The following LRFN5 variants were observed in gnomAD, a reference collection of about 807,000 sequenced individuals.
LRFN5 encodes the protein leucine-rich repeat and fibronectin type-III domain-containing protein 5.
A neutral mutation model predicts 45.6 loss-of-function variants in LRFN5; 24 were observed. That is an observed-to-expected ratio of 0.53 (90% CI 0.38 to 0.74). The LOEUF is 0.74. Ranked by LOEUF, LRFN5 falls within the 30% of genes least tolerant of loss-of-function variation. The pLI is 0.00. For synonymous variants in LRFN5, 340 were observed against 313.8 expected (o/e 1.08, Z -0.88); for missense variants, 776 against 861.5 (o/e 0.90, Z 1.24).
In LRFN5 at chr14:41,641,623, C is replaced by A. The variant is rs181038220; in HGVS notation, c.-197+33061C>A. ...TGGGAAGAAAACACAAAATTAAATG[C>A]CAATTTGCTCTTTAAATTCCATAAA... On this transcript the variant is annotated intron_variant, in intron 1 of 5. Coordinates refer to ENST00000298119, the MANE Select transcript of LRFN5 (RefSeq NM_152447.5). 3.3e-5 allele frequency among the ~76,000 whole-genome samples: 5 copies of A among 152,050 alleles called. No homozygotes were observed. In the East Asian group the frequency reaches 9.7e-4, roughly 29 times the overall value.
chr14:41,819,768 G>A (rs1381299784), intron 2 of LRFN5, among the ~76,000 whole-genome samples: 1 of 152,004 alleles, frequency 6.6e-6, no homozygotes, highest in Non-Finnish European at 1.5e-5. Context: ...TAAACCAGGA[G>A]AGATAGCCTT....
intron 1 of LRFN5, among the ~76,000 whole-genome samples, chr14:41,757,415 C>G (rs534771606): frequency 6.6e-6 from 1 of 152,242 alleles, no homozygotes; most frequent in Non-Finnish European, 1.5e-5. Flanking sequence ...CCAGTTCAAT[C>G]TTCCTGGCCG....
intron 4 of LRFN5, among the ~76,000 whole-genome samples, chr14:41,898,464 C>G (rs367562870): frequency 6.6e-6 from 1 of 151,900 alleles, no homozygotes; most frequent in East Asian, 1.9e-4. Context: ...TTAAGTGATT[C>G]TTTTGTACTC....
intron 1 of LRFN5, among the ~76,000 whole-genome samples, chr14:41,703,974 T>A (rs536056622): frequency 1.4e-4 from 22 of 152,210 alleles, no homozygotes; most frequent in Admixed American, 2.0e-4. Context: ...TGCTTATCAC[T>A]CCGATCTAGG....
intron 1 of LRFN5, among the ~76,000 whole-genome samples, chr14:41,758,175 GT>G (rs1401477428): frequency 6.6e-6 from 1 of 152,050 alleles, no homozygotes; most frequent in East Asian, 1.9e-4. Context: ...ATTTCCTTGA[GT>G]TTTTGTCTCT....
At chr14:41,715,995 G>C (rs1434794388) in intron 1 of LRFN5, among the ~76,000 whole-genome samples, 1 of 152,182 alleles carries the variant, frequency 6.6e-6, no homozygotes, top group Non-Finnish European at 1.5e-5. Context: ...TCCAGTTCTT[G>C]ACTTCTCTGC....
intron 1 of LRFN5, among the ~76,000 whole-genome samples, chr14:41,750,376 G>A (rs1456498916): frequency 6.6e-6 from 1 of 150,620 alleles, no homozygotes; most frequent in African/African-American, 2.4e-5. Flanking sequence ...AGATTCTATA[G>A]TTTGTTGTTT....
At chr14:41,711,710 G>T (rs1031039815) in intron 1 of LRFN5, among the ~76,000 whole-genome samples, 1 of 152,124 alleles carries the variant, frequency 6.6e-6, no homozygotes, top group Non-Finnish European at 1.5e-5. Context: ...CCGTTTCACA[G>T]ATAAACTGTT....
chr14:41,870,880 G>C (rs745614442), intron 2 of LRFN5, among the ~76,000 whole-genome samples: 1 of 152,008 alleles, frequency 6.6e-6, no homozygotes, highest in African/African-American at 2.4e-5. Flanking sequence ...ATACATTGTA[G>C]CACATGTTTT....
At chr14:41,834,252 T>G (rs1484915893) in intron 2 of LRFN5, among the ~76,000 whole-genome samples, 1 of 152,220 alleles carries the variant, frequency 6.6e-6, no homozygotes, top group East Asian at 1.9e-4. Context: ...GCTGAAAATC[T>G]TAAATATCTT....
chr14:41,875,582 C>A (rs1230051528), intron 2 of LRFN5, among the ~76,000 whole-genome samples: 3 of 152,186 alleles, frequency 2.0e-5, no homozygotes, highest in African/African-American at 4.8e-5. Context: ...AAATCACTCT[C>A]TCTTGTATGA....
intron 1 of LRFN5, among the ~76,000 whole-genome samples, chr14:41,756,639 A>T (rs1189870738): frequency 6.6e-6 from 1 of 151,950 alleles, no homozygotes. Flanking sequence ...TGCATTGGTT[A>T]TTCTAGTTAG....
chr14:41,760,943 A>G (rs968832602), intron 1 of LRFN5, among the ~76,000 whole-genome samples: 1 of 152,186 alleles, frequency 6.6e-6, no homozygotes, highest in Non-Finnish European at 1.5e-5. Flanking sequence ...AGTAAGCCCC[A>G]ATGTCCATTT....
At chr14:41,724,322 C>T (rs1335694775) in intron 1 of LRFN5, among the ~76,000 whole-genome samples, 3 of 152,158 alleles carry the variant, frequency 2.0e-5, no homozygotes, top group African/African-American at 7.2e-5. Flanking sequence ...CATTAGAAAG[C>T]ACCCCTAATT....
chr14:41,626,423 A>G (rs1888335629), intron 1 of LRFN5, among the ~76,000 whole-genome samples: 1 of 152,122 alleles, frequency 6.6e-6, no homozygotes, highest in African/African-American at 2.4e-5. Context: ...GCTAATGGGA[A>G]TTTCACTAAC....
intron 2 of LRFN5, among the ~76,000 whole-genome samples, chr14:41,794,027 A>C (rs1887030702): frequency 6.6e-6 from 1 of 152,040 alleles, no homozygotes; most frequent in Non-Finnish European, 1.5e-5. Flanking sequence ...CACCAACTTC[A>C]TAGATTTTAT....
chr14:41,726,806 C>A (rs1221066973), intron 1 of LRFN5, among the ~76,000 whole-genome samples: 3 of 152,048 alleles, frequency 2.0e-5, no homozygotes, highest in Non-Finnish European at 4.4e-5. Flanking sequence ...TTTAATAGAT[C>A]ATTGATAGAT....
At chr14:41,647,847 TGGTGGG>T (rs1879890989) in intron 1 of LRFN5, among the ~76,000 whole-genome samples, 1 of 152,080 alleles carries the variant, frequency 6.6e-6, no homozygotes, top group Admixed American at 6.6e-5. Context: ...TAGACCAAGA[TGGTGGG>T]GAGTGTGATG....
In LRFN5 at chr14:41,607,759, T is replaced by A. The variant is rs1398163266; in HGVS notation, c.-1000T>A. 1 of 152,104 alleles carries A rather than the reference T, an allele frequency of 6.6e-6. No homozygotes were observed. The highest frequency in any genetic ancestry group is 2.4e-5 in the African/African-American group (1 of 41,390). The allele number at this position is 152,104 out of a possible 1,614,324, so 9.4% of individuals were successfully genotyped here. A position where few individuals can be genotyped will look rare whatever the true frequency, so the allele number is the denominator to read the frequency against. On this transcript the variant is annotated 5_prime_UTR_variant, in exon 1 of 6. Transcript: ENST00000298119. ...CCAGAAGCTTGGAAAGCGCCAATAT[T>A]AACCTGCTTCCAGGTACATCACAAG...
Sources: gnomAD v4.1 joint callset for allele counts (sites outside exome capture counted in the v4.1 genomes callset) on GRCh38, gnomAD v4.1.1 for gene constraint, MANE v1.5 for transcripts, NCBI Gene and HGNC (gene_info 2026-07-23, HGNC 2026-07-21) for gene names.